Variants in FMO4 observed in about 807,000 individuals in gnomAD.
FMO4 encodes the protein dimethylaniline monooxygenase [N-oxide-forming] 4.
In FMO4, 38 loss-of-function variants were observed where a neutral mutation model predicts 43.3. The observed-to-expected ratio is 0.88, with a 90% confidence interval of 0.68 to 1.15. The LOEUF is 1.15. FMO4 is among the 50% of genes most tolerant of loss of function. FMO4 has a pLI of 0.00. For synonymous variants in FMO4, 224 were observed against 232.2 expected (o/e 0.96, Z 0.32); for missense variants, 631 against 663.3 (o/e 0.95, Z 0.54).
intron 6 of FMO4, 42 bp from the exon 7 acceptor site, chr1:171,332,667 A>T: frequency 6.6e-7 from 1 of 1,521,008 alleles, no homozygotes. Context: ...CTACAAAATG[A>T]TGAACATTTA....
Position 171,324,316 on chromosome 1 carries a change from C to T in FMO4, c.484+16C>T. ...GCCTTTCCTGGTGAGTCATTTCTACCTGAGACCATGCCTATGCTTCTGGGT... is the reference window on the plus strand; with the variant it reads ...GCCTTTCCTGGTGAGTCATTTCTACTTGAGACCATGCCTATGCTTCTGGGT... On this transcript the variant is annotated intron_variant, in intron 5 of 9. Coordinates refer to ENST00000367749, the MANE Select transcript of FMO4 (RefSeq NM_002022.3). The T allele has an allele frequency of 6.3e-7, 1 of 1,592,632 alleles. No homozygotes were observed. The highest frequency in any genetic ancestry group is 8.6e-7 in the Non-Finnish European group (1 of 1,167,960).
At chr1:171,330,586 CA>C (rs1553252891) in intron 5 of FMO4, among the ~76,000 whole-genome samples, 1 of 152,152 alleles carries the variant, frequency 6.6e-6, no homozygotes, top group Non-Finnish European at 1.5e-5. Context: ...AGAGCATGCC[CA>C]GGGGAACTCC....
intron 1 of FMO4, among the ~76,000 whole-genome samples, chr1:171,315,235 T>C (rs1662150447): frequency 6.6e-6 from 1 of 152,188 alleles, no homozygotes; most frequent in Non-Finnish European, 1.5e-5. Flanking sequence ...GAGGTTGCAG[T>C]GAGCCGAAAT....
chr1:171,341,527 C>A lies in FMO4; in HGVS notation c.1365C>A (p.Pro455=). Reference sequence around the variant, plus strand: ...TCCCACTTCTGTTCCTCAAGGATCCCAGACTAGCTTGGGAAGTTTTCTTTG... The same window carrying A: ...TCCCACTTCTGTTCCTCAAGGATCCAAGACTAGCTTGGGAAGTTTTCTTTG... The part of the protein sequence containing the change: ...PSIPLLFLKD[P]RLAWEVFFGP... Residue 455 remains proline (P), a synonymous_variant, in exon 10 of 10, where the codon CCC becomes CCA. Transcript: ENST00000367749. 3.7e-6 allele frequency: 6 copies of A among 1,614,060 alleles called. No homozygotes were observed. Among genetic ancestry groups the A allele is most frequent in the Non-Finnish European group, 5.1e-6 (6 of 1,179,986 alleles).
chr1:171,325,817 CTTTTTTTTTTTTTTTTTTTTTTTTTTTTT>C (rs869107866), intron 5 of FMO4, among the ~76,000 whole-genome samples: 23 of 51,032 alleles, frequency 4.5e-4, no homozygotes, highest in South Asian at 6.3e-4. Flanking sequence ...ATAGACTATC[CTTTTTTTTTTTTTTTTTTTTTTTTTTTTT>C]TTTTTTTTTT....
chr1:171,331,164 C>G lies in FMO4; in HGVS notation c.485-476C>G, dbSNP rs1390208789. 6.6e-5 allele frequency among the ~76,000 whole-genome samples: 10 copies of G among 152,248 alleles called. No homozygotes were observed. The East Asian group carries it at 1.9e-3, about 29-fold the overall frequency. ...TGGGCAAAGTAACATGCATCAACAA[C>G]CTACTGTTTTTATTTGTTTGTTCAA... On this transcript the variant is annotated intron_variant, in intron 5 of 9. Transcript: ENST00000367749.
intron 5 of FMO4, among the ~76,000 whole-genome samples, chr1:171,326,585 T>G (rs1246554287): frequency 6.6e-6 from 1 of 152,222 alleles, no homozygotes; most frequent in African/African-American, 2.4e-5. Flanking sequence ...ACAAAGTTGT[T>G]TGACAGGAAC....
In FMO4 at chr1:171,324,230, T is replaced by C. The variant is rs1250699917; in HGVS notation, c.414T>C (p.Ala138=). 6.2e-7 allele frequency: 1 copy of C among 1,613,714 alleles called. No homozygotes were observed. The highest frequency in any genetic ancestry group is 2.2e-5 in the East Asian group (1 of 44,876). Reference sequence around the variant, plus strand: ...AGACAGAGGGCAAGCAAAATAGAGCTGTCTTTGATGCTGTTATGGTTTGCA... The same window carrying C: ...AGACAGAGGGCAAGCAAAATAGAGCCGTCTTTGATGCTGTTATGGTTTGCA... The part of the protein sequence containing the change: ...VTETEGKQNR[A]VFDAVMVCTG... Residue 138 remains alanine, a synonymous_variant, in exon 5 of 10, where the codon GCT becomes GCC. Coordinates refer to ENST00000367749, the MANE Select transcript of FMO4 (RefSeq NM_002022.3).
chr1:171,337,335 T>C, intron 8 of FMO4, 21 bp from the exon 9 acceptor site: 1 of 1,562,376 alleles, frequency 6.4e-7, no homozygotes, highest in Non-Finnish European at 8.8e-7. Flanking sequence ...ACTTTAGTGT[T>C]GTTTGTGATT....
intron 5 of FMO4, 61 bp downstream of exon 5, chr1:171,324,361 T>C: frequency 2.2e-6 from 3 of 1,372,426 alleles, no homozygotes; most frequent in Non-Finnish European, 3.0e-6. Flanking sequence ...AGTAAACTTA[T>C]TGATTTGCAG....
At chr1:171,316,813 T>C (rs1245940982) in intron 2 of FMO4, among the ~76,000 whole-genome samples, 1 of 152,186 alleles carries the variant, frequency 6.6e-6, no homozygotes, top group African/African-American at 2.4e-5. Flanking sequence ...AGGAAATCCT[T>C]CTGATCCTCA....
intron 9 of FMO4, among the ~76,000 whole-genome samples, chr1:171,338,947 G>A (rs965876552): frequency 6.6e-6 from 1 of 152,188 alleles, no homozygotes; most frequent in African/African-American, 2.4e-5. Context: ...ATGAATGAAT[G>A]ATTGACATTG....
At position 171,341,296 on chromosome 1, in the gene FMO4, G is replaced by C. The variant is rs984007604; in HGVS notation, c.1251-117G>C. The stretch of plus-strand genomic sequence containing the variant: ...AACATACAAAAACATTCCCAAATAT[G>C]GTTTGATTTCCCCCAAAAAATGTAA... On this transcript the variant is annotated intron_variant, in intron 9 of 9. Coordinates refer to ENST00000367749, the MANE Select transcript of FMO4 (RefSeq NM_002022.3). 1.0e-4 allele frequency: 73 copies of C among 695,622 alleles called. No homozygotes were observed. In the African/African-American group the frequency reaches 1.1e-3, roughly 11 times the overall value. The allele number at this position is 695,622 out of a possible 1,614,324, so 43.1% of individuals were successfully genotyped here.
intron 2 of FMO4, among the ~76,000 whole-genome samples, chr1:171,316,800 C>T (rs1309656195): frequency 6.6e-6 from 1 of 152,074 alleles, no homozygotes; most frequent in Non-Finnish European, 1.5e-5. Context: ...AATTGGCAGC[C>T]CTAGGAAATC....
chr1:171,324,226 G>C lies in FMO4; in HGVS notation c.410G>C (p.Arg137Thr). The change falls in exon 5 of 10, where the codon AGA (arginine) becomes ACA (threonine). Residue 137 changes from arginine to threonine, a missense_variant. Coordinates refer to ENST00000367749, the MANE Select transcript of FMO4 (RefSeq NM_002022.3). ...VVTETEGKQNRAVFDAVMVCT... is the reference protein window; with the variant it reads ...VVTETEGKQNTAVFDAVMVCT... ...ACAGAGACAGAGGGCAAGCAAAATA[G>C]AGCTGTCTTTGATGCTGTTATGGTT... 6.2e-7 allele frequency: 1 copy of C among 1,613,788 alleles called. No homozygotes were observed. The highest frequency in any genetic ancestry group is 8.5e-7 in the Non-Finnish European group (1 of 1,179,808).
At chr1:171,338,020 A>AC (rs1258114830) in intron 9 of FMO4, among the ~76,000 whole-genome samples, 4 of 151,344 alleles carry the variant, frequency 2.6e-5, no homozygotes, top group Non-Finnish European at 5.9e-5. Context: ...TGAACTCTTG[A>AC]CCCCCTCCGC....
chr1:171,329,628 A>C (rs1160952714), intron 5 of FMO4, among the ~76,000 whole-genome samples: 1 of 152,182 alleles, frequency 6.6e-6, no homozygotes, highest in African/African-American at 2.4e-5. Flanking sequence ...GACCCCAAAC[A>C]TGAAGGTCTC....
rs571203439 is a variant in FMO4 at position 171,317,060 on chromosome 1, G to C, written c.-9+733G>C. The stretch of plus-strand genomic sequence containing the variant: ...AGAGGCTTAGTGACGGGAACCACAG[G>C]ATACCTCAGGCTCTCAGACCAACAG... On this transcript the variant is annotated intron_variant, in intron 2 of 9. Transcript: ENST00000367749. 4.9e-4 allele frequency among the ~76,000 whole-genome samples: 75 copies of C among 152,284 alleles called. 1 individual carries two copies. Among genetic ancestry groups the C allele is most frequent in the African/African-American group, 1.8e-3 (73 of 41,542 alleles).
chr1:171,314,903 A>G (rs1662132118), intron 1 of FMO4, among the ~76,000 whole-genome samples: 1 of 152,214 alleles, frequency 6.6e-6, no homozygotes, highest in Non-Finnish European at 1.5e-5. Context: ...AAGGATTCCT[A>G]CATTTGCTGG....
Sources: gnomAD v4.1 joint callset for allele counts (sites outside exome capture counted in the v4.1 genomes callset) on GRCh38, gnomAD v4.1.1 for gene constraint, MANE v1.5 for transcripts, NCBI Gene and HGNC (gene_info 2026-07-23, HGNC 2026-07-21) for gene names.